The following GLI3 variants were observed in gnomAD, a reference collection of about 807,000 sequenced individuals.
GLI3 encodes the protein GLI family zinc finger 3.
Under a neutral mutation model 100.8 loss-of-function variants are expected in GLI3, and 20 were observed. The ratio of observed to expected loss-of-function variants is 0.20; its 90% CI spans 0.14 to 0.29. The LOEUF is 0.29. Among genes scored for constraint, GLI3 ranks in the 10% least tolerant of loss-of-function variants. The pLI is 1.00. For missense variants in GLI3, 2,040 were observed against 2,128.5 expected, an observed-to-expected ratio of 0.96 and a Z score of 0.82; for synonymous variants, 938 against 860.5, an observed-to-expected ratio of 1.09 and a Z score of -1.58.
At chr7:42,193,077 C>T (rs1174237426) in intron 2 of GLI3, among the ~76,000 whole-genome samples, 3 of 152,076 alleles carry the variant, frequency 2.0e-5, no homozygotes, top group East Asian at 1.9e-4. Context: ...AAAAAGGTGA[C>T]GATTTTTTGA....
At chr7:42,246,752 C>A (rs1236191045) in intron 1 of GLI3, among the ~76,000 whole-genome samples, 1 of 139,102 alleles carries the variant, frequency 7.2e-6, no homozygotes, top group Non-Finnish European at 1.5e-5. Context: ...TTATTTTCGG[C>A]GGTTGGTAAA....
Position 41,964,431 on chromosome 7 carries a change from G to C in GLI3, c.4642C>G (p.Pro1548Ala). 6.2e-7 allele frequency: 1 copy of C among 1,614,156 alleles called. No individual in the cohort carries two copies. Among genetic ancestry groups the C allele is most frequent in the South Asian group, 1.1e-5 (1 of 91,088 alleles). ...LTTPRASLPF[P>A]ALSMSTTNMA... ...TTGGTGGTGCTCATGGACAGCGCTG[G>C]GAATGGGAGGGACGCCCGAGGCGTG... The change falls in exon 15 of 15, where the codon CCA (proline) becomes GCA (alanine). Residue 1548 changes from proline (P) to alanine (A), a missense_variant. Coordinates refer to ENST00000395925, the MANE Select transcript of GLI3 (RefSeq NM_000168.6).
chr7:41,976,683 T>C (rs912703060), intron 12 of GLI3, among the ~76,000 whole-genome samples: 2 of 152,214 alleles, frequency 1.3e-5, no homozygotes, highest in Non-Finnish European at 2.9e-5. Context: ...TGCTGAACTA[T>C]GTCTCATGTT....
chr7:42,104,333 G>A (rs923711131), intron 3 of GLI3, among the ~76,000 whole-genome samples: 3 of 152,076 alleles, frequency 2.0e-5, no homozygotes, highest in African/African-American at 4.8e-5. Flanking sequence ...CTGTGAAGAC[G>A]CCCTGACATC....
intron 10 of GLI3, among the ~76,000 whole-genome samples, chr7:41,999,161 C>T (rs565414007): frequency 7.9e-5 from 12 of 152,054 alleles, no homozygotes; most frequent in African/African-American, 2.7e-4. Flanking sequence ...AAATGCTGGA[C>T]CTTAGATGGC....
intron 10 of GLI3, among the ~76,000 whole-genome samples, chr7:42,016,365 A>C (rs1214856948): frequency 1.3e-5 from 2 of 152,090 alleles, no homozygotes; most frequent in Non-Finnish European, 2.9e-5. Flanking sequence ...GCAATTACTA[A>C]TTTCATGCTG....
intron 2 of GLI3, among the ~76,000 whole-genome samples, chr7:42,158,268 A>G (rs1787050168): frequency 1.3e-5 from 2 of 152,222 alleles, no homozygotes; most frequent in Admixed American, 1.3e-4. Flanking sequence ...ATCTTCACAG[A>G]CCTGTCCAGG....
In GLI3 at chr7:42,147,722, T is replaced by A. The variant is rs376652397; in HGVS notation, c.367+504A>T. On this transcript the variant is annotated intron_variant, in intron 3 of 14. Coordinates refer to ENST00000395925, the MANE Select transcript of GLI3 (RefSeq NM_000168.6). ...TACAGCACAAAGGAAAATCTTCCAT[T>A]TTAAGGAATTTAGCACAGATTTGTT... Among the ~76,000 whole-genome samples the A allele has an allele frequency of 1.8e-3, 267 of 152,282 alleles. 1 individual carries two copies. The highest frequency in any genetic ancestry group is 6.2e-3 in the African/African-American group (258 of 41,562).
At chr7:42,028,280 A>G (rs1395377647) in intron 7 of GLI3, among the ~76,000 whole-genome samples, 1 of 152,160 alleles carries the variant, frequency 6.6e-6, no homozygotes, top group Non-Finnish European at 1.5e-5. Context: ...AGGAGCCTAG[A>G]CTATCTGGCA....
At chr7:42,024,125 C>CTG (rs1789030104) in intron 9 of GLI3, among the ~76,000 whole-genome samples, 1 of 152,212 alleles carries the variant, frequency 6.6e-6, no homozygotes, top group South Asian at 2.1e-4. Context: ...CTGTTGGAGA[C>CTG]TGTGTGAGAC....
Position 41,965,319 on chromosome 7 carries a change from G to C in GLI3, c.3754C>G (p.Pro1252Ala). The C allele has an allele frequency of 6.2e-7, 1 of 1,613,908 alleles. No homozygotes were observed. The highest frequency in any genetic ancestry group is 8.5e-7 in the Non-Finnish European group (1 of 1,179,910). Reference sequence around the variant, plus strand: ...CTGTTGAGACAGTTCCCATACTGCGGGGCCTTACAGGGCTGTTCATGGAAG... The same window carrying C: ...CTGTTGAGACAGTTCCCATACTGCGCGGCCTTACAGGGCTGTTCATGGAAG... ...NAFHEQPCKA[P>A]QYGNCLNRQP... The change falls in exon 15 of 15, where the codon CCG becomes GCG. Residue 1252 changes from proline (P) to alanine (A), a missense_variant. Around this residue, in one of 5 missense-constraint regions of GLI3, gnomAD observed 1,041 missense variants for 924.0 expected, o/e 1.13. Coordinates refer to ENST00000395925, the MANE Select transcript of GLI3 (RefSeq NM_000168.6).
intron 4 of GLI3, among the ~76,000 whole-genome samples, chr7:42,067,590 G>A (rs1325413417): frequency 6.6e-6 from 1 of 152,084 alleles, no homozygotes. Context: ...TTGTTCCCAG[G>A]TTTTGAAAGA....
chr7:42,256,193 A>G (rs1403701681), intron 1 of GLI3, among the ~76,000 whole-genome samples: 1 of 152,116 alleles, frequency 6.6e-6, no homozygotes, highest in African/African-American at 2.4e-5. Context: ...TATTCCAGAC[A>G]CAAGTAATTT....
intron 10 of GLI3, among the ~76,000 whole-genome samples, chr7:41,997,892 T>C (rs556382769): frequency 3.3e-5 from 5 of 152,206 alleles, no homozygotes; most frequent in African/African-American, 4.8e-5. Flanking sequence ...CCAATCCAGA[T>C]GCACTGAAAA....
chr7:41,965,998 G>A lies in GLI3; in HGVS notation c.3075C>T (p.Ser1025=), dbSNP rs1312589747. The A allele has an allele frequency of 6.2e-7, 1 of 1,602,672 alleles. No homozygotes were observed. The highest frequency in any genetic ancestry group is 8.5e-7 in the Non-Finnish European group (1 of 1,179,026). Residue 1025 remains serine, a synonymous_variant, in exon 15 of 15, where the codon AGC becomes AGT. Transcript: ENST00000395925. ...GLALPRVPRF[S]SLSSCNPPAM... is the part of the protein sequence containing the mutation. ...CCGGGGGGTTGCAGCTGCTGAGGCT[G>A]CTGAAGCGCGGCACACGAGGCAGGG...
chr7:42,148,074 G>GA (rs1646963175), intron 3 of GLI3, 152 bp downstream of exon 3: 2 of 767,066 alleles, frequency 2.6e-6, no homozygotes, highest in South Asian at 2.2e-5. Context: ...AAGTAAGAAG[G>GA]AAAGTGGAAA....
chr7:42,025,071 A>G lies in GLI3; in HGVS notation c.1356+193T>C, dbSNP rs552478891. Reference sequence around the variant, plus strand: ...CCTGCACTGCCTGTGTTTGCTTCTGAGCTAGAAAAATGATTTAGTCACTCC... The same window carrying G: ...CCTGCACTGCCTGTGTTTGCTTCTGGGCTAGAAAAATGATTTAGTCACTCC... On this transcript the variant is annotated intron_variant, in intron 9 of 14. Transcript: ENST00000395925. 2.0e-5 allele frequency among the ~76,000 whole-genome samples: 3 copies of G among 152,326 alleles called. No individual in the cohort carries two copies. The South Asian group carries it at 6.2e-4, about 32-fold the overall frequency.
At chr7:42,212,117 A>AT (rs1447504008) in intron 2 of GLI3, among the ~76,000 whole-genome samples, 1 of 151,710 alleles carries the variant, frequency 6.6e-6, no homozygotes, top group Non-Finnish European at 1.5e-5. Flanking sequence ...CTTGCTTTTT[A>AT]TTTTTTCCTT....
At chr7:42,228,019 T>C (rs1788617005) in intron 1 of GLI3, among the ~76,000 whole-genome samples, 1 of 152,140 alleles carries the variant, frequency 6.6e-6, no homozygotes, top group African/African-American at 2.4e-5. Flanking sequence ...CAAGGGATGT[T>C]TTTCACGCCT....
Sources: gnomAD v4.1 joint callset for allele counts (sites outside exome capture counted in the v4.1 genomes callset) on GRCh38, gnomAD v4.1.1 for gene constraint, gnomAD v4.1.1 regional missense constraint, MANE v1.5 for transcripts, NCBI Gene and HGNC (gene_info 2026-07-23, HGNC 2026-07-21) for gene names.